Variants in ROBO2 observed in about 807,000 individuals in gnomAD.
ROBO2 encodes the protein roundabout guidance receptor 2.
Under a neutral mutation model 160.8 loss-of-function variants are expected in ROBO2, and 53 were observed. That is an observed-to-expected ratio of 0.33 (90% CI 0.26 to 0.41). The LOEUF is 0.41. Ranked by LOEUF, ROBO2 falls within the 10% of genes least tolerant of loss-of-function variation. The pLI is 1.00. For missense variants in ROBO2, 1,577 were observed against 1,722.4 expected (o/e 0.92, Z 1.49); for synonymous variants, 664 against 611.7 (o/e 1.09, Z -1.26).
chr3:76,428,150 T>C (rs1349092141), intron 2 of ROBO2, among the ~76,000 whole-genome samples: 1 of 151,586 alleles, frequency 6.6e-6, no homozygotes, highest in African/African-American at 2.4e-5. Context: ...GCAGGAAATA[T>C]TAAAATATAG....
At chr3:76,092,390 T>A (rs1026153338) in intron 2 of ROBO2, among the ~76,000 whole-genome samples, 11 of 152,238 alleles carry the variant, frequency 7.2e-5, no homozygotes, top group African/African-American at 2.7e-4. Flanking sequence ...TTCTTGATTC[T>A]AAATAGCTAA....
At chr3:76,045,743 G>T (rs1389955302) in intron 2 of ROBO2, among the ~76,000 whole-genome samples, 1 of 151,808 alleles carries the variant, frequency 6.6e-6, no homozygotes, top group South Asian at 2.1e-4. Context: ...GTTTATTTTG[G>T]AAAGTATTTC....
chr3:76,767,603 G>A (rs2061645648), intron 2 of ROBO2, among the ~76,000 whole-genome samples: 1 of 151,472 alleles, frequency 6.6e-6, no homozygotes, highest in South Asian at 2.1e-4. Flanking sequence ...GACCATTTTA[G>A]TGCAGAACAA....
chr3:77,357,728 C>T (rs1437667572), intron 2 of ROBO2, among the ~76,000 whole-genome samples: 2 of 152,080 alleles, frequency 1.3e-5, no homozygotes, highest in Non-Finnish European at 2.9e-5. Context: ...TAATAAATAG[C>T]ATTTTTCTGT....
intron 2 of ROBO2, among the ~76,000 whole-genome samples, chr3:76,423,435 G>T (rs1213181597): frequency 6.6e-6 from 1 of 152,180 alleles, no homozygotes; most frequent in Admixed American, 6.5e-5. Context: ...AGACAACACG[G>T]AAAGAGAAAA....
At chr3:76,544,889 C>T (rs1445779299) in intron 2 of ROBO2, among the ~76,000 whole-genome samples, 1 of 151,948 alleles carries the variant, frequency 6.6e-6, no homozygotes, top group Non-Finnish European at 1.5e-5. Flanking sequence ...TTACTGCTAC[C>T]CTTTTGTTGA....
intron 2 of ROBO2, among the ~76,000 whole-genome samples, chr3:76,623,817 T>C (rs2089412472): frequency 6.6e-6 from 1 of 152,202 alleles, no homozygotes; most frequent in Admixed American, 6.5e-5. Context: ...TTACAGAAGA[T>C]AAAATTGAAG....
In ROBO2 at chr3:76,704,282, A is replaced by G. The variant is rs561344745; in HGVS notation, c.110-393732A>G. Among the ~76,000 whole-genome samples the G allele has an allele frequency of 2.2e-4, 34 of 152,282 alleles. No individual in the cohort carries two copies. In the South Asian group the frequency reaches 6.4e-3, roughly 29 times the overall value. ...AAAGTGAGAGTGTGAACATTCACAC[A>G]GCAATTGCTTTCAAAACTCCATCTT... On this transcript the variant is annotated intron_variant, in intron 2 of 26. Transcript: ENST00000487694.
intron 2 of ROBO2, among the ~76,000 whole-genome samples, chr3:77,445,422 C>T (rs1052848387): frequency 3.9e-5 from 6 of 152,032 alleles, no homozygotes; most frequent in Non-Finnish European, 8.8e-5. Flanking sequence ...TCATAAAATA[C>T]TTCCCTACTT....
chr3:76,296,249 G>A lies in ROBO2; in HGVS notation c.109+358647G>A, dbSNP rs568520611. Among the ~76,000 whole-genome samples, 7 of 152,290 alleles carry A rather than the reference G, an allele frequency of 4.6e-5. No homozygotes were observed. In the East Asian group the frequency reaches 9.7e-4, roughly 21 times the overall value. The stretch of plus-strand genomic sequence containing the variant: ...GAAGTAGAAAGGATTCCCTCCTAAA[G>A]CCCCAGAGAAAGCTTGGCCCTGCCC... On this transcript the variant is annotated intron_variant, in intron 2 of 26. Transcript: ENST00000487694.
intron 2 of ROBO2, among the ~76,000 whole-genome samples, chr3:76,705,785 C>T (rs182040): frequency 0.43 from 65,210 of 151,414 alleles, 14,212 homozygotes; most frequent in Non-Finnish European, 0.47. Context: ...AGCATGATTT[C>T]TTTCTATTTG....
chr3:77,366,912 T>G (rs2070986877), intron 2 of ROBO2, among the ~76,000 whole-genome samples: 1 of 140,698 alleles, frequency 7.1e-6, no homozygotes, highest in African/African-American at 2.6e-5. Context: ...ACACTCACAG[T>G]CCCCTGGAAT....
intron 3 of ROBO2, 90 bp downstream of exon 3, chr3:77,477,661 T>C (rs971965497): frequency 1.6e-6 from 2 of 1,251,210 alleles, no homozygotes; most frequent in Non-Finnish European, 2.3e-6. Flanking sequence ...ACATTATTAA[T>C]ACAATTGTAT....
At chr3:77,005,766 A>G (rs1239993499) in intron 2 of ROBO2, among the ~76,000 whole-genome samples, 2 of 152,200 alleles carry the variant, frequency 1.3e-5, no homozygotes, top group Non-Finnish European at 2.9e-5. Flanking sequence ...TTTGGTTTCT[A>G]AAGCTGCCCT....
intron 2 of ROBO2, among the ~76,000 whole-genome samples, chr3:75,947,582 T>C (rs1486589474): frequency 2.0e-5 from 3 of 152,112 alleles, no homozygotes; most frequent in Non-Finnish European, 4.4e-5. Flanking sequence ...TGAAACCCTG[T>C]GGGGAGAGAG....
At chr3:76,860,702 A>G (rs952531478) in intron 2 of ROBO2, among the ~76,000 whole-genome samples, 10 of 152,130 alleles carry the variant, frequency 6.6e-5, no homozygotes, top group Non-Finnish European at 1.0e-4. Flanking sequence ...ACATTTTTTA[A>G]CAGTCCATCT....
intron 2 of ROBO2, among the ~76,000 whole-genome samples, chr3:76,077,517 C>A (rs148971274): frequency 1.3e-5 from 2 of 152,056 alleles, no homozygotes; most frequent in South Asian, 2.1e-4. Flanking sequence ...GAACCAAGAT[C>A]GTGCCACTGC....
At chr3:77,284,665 T>C (rs535896152) in intron 2 of ROBO2, among the ~76,000 whole-genome samples, 13 of 152,238 alleles carry the variant, frequency 8.5e-5, no homozygotes, top group African/African-American at 1.7e-4. Flanking sequence ...CTGGGTATGA[T>C]GACAATTTGC....
intron 2 of ROBO2, among the ~76,000 whole-genome samples, chr3:76,743,013 T>C (rs376677009): frequency 1.2e-4 from 19 of 152,214 alleles, no homozygotes; most frequent in Admixed American, 9.8e-4. Flanking sequence ...AATCCTCCTA[T>C]TTTAGGTGAC....
Sources: allele counts gnomAD v4.1 joint callset (sites outside exome capture counted in the v4.1 genomes callset), GRCh38; gene constraint gnomAD v4.1.1; transcripts MANE v1.5; gene names NCBI Gene and HGNC (gene_info 2026-07-23, HGNC 2026-07-21).